MTCH2: variants seen among roughly 807,000 people sequenced by gnomAD.
The protein encoded by MTCH2 is mitochondrial carrier 2.
In MTCH2, 25 loss-of-function variants were observed where a neutral mutation model predicts 50.6. That is an observed-to-expected ratio of 0.49 (90% CI 0.36 to 0.69). The LOEUF is 0.69. MTCH2 is among the 30% of genes least tolerant of loss of function. The probability of loss-of-function intolerance (pLI) is 0.00; values close to 1 mark genes in which losing one functional copy is unlikely to be tolerated. For synonymous variants in MTCH2, 106 were observed against 132.0 expected, an observed-to-expected ratio of 0.80 and a Z score of 1.35; for missense variants, 273 against 384.4, an observed-to-expected ratio of 0.71 and a Z score of 2.42.
At chr11:47,631,468 G>A (rs985837236) in intron 6 of MTCH2, among the ~76,000 whole-genome samples, 186 bp downstream of exon 6, 2 of 151,732 alleles carry the variant, frequency 1.3e-5, no homozygotes, top group African/African-American at 4.8e-5. Context: ...TGATAGCCCT[G>A]GGAAAAAAAA....
Position 47,625,761 on chromosome 11 carries a change from C to T in MTCH2, c.682-20G>A. On this transcript the variant is annotated intron_variant, in intron 10 of 12. Transcript: ENST00000302503. ...AAAAAACTGTAAAATGGAAACAAGGCAGCTGTTATTAGATCATTCCTAGTC... is the reference window on the plus strand; with the variant it reads ...AAAAAACTGTAAAATGGAAACAAGGTAGCTGTTATTAGATCATTCCTAGTC... 6.3e-7 allele frequency: 1 copy of T among 1,576,994 alleles called. No individual in the cohort carries two copies. The highest frequency in any genetic ancestry group is 1.1e-5 in the South Asian group (1 of 88,290).
At chr11:47,621,488 A>T in intron 12 of MTCH2, among the ~76,000 whole-genome samples, 1 of 149,974 alleles carries the variant, frequency 6.7e-6, no homozygotes. Flanking sequence ...GCTGGAGTGC[A>T]GTGGCACAAT....
At chr11:47,605,874 C>T in the MTCH2 span, among the ~76,000 whole-genome samples, 8 of 152,168 alleles carry the variant, frequency 5.3e-5, no homozygotes, top group Non-Finnish European at 7.3e-5. Flanking sequence ...TTATCATTTT[C>T]GCCGCATCTT....
chr11:47,607,338 T>TA, the MTCH2 span, among the ~76,000 whole-genome samples: 1 of 152,192 alleles, frequency 6.6e-6, no homozygotes, highest in Non-Finnish European at 1.5e-5. Flanking sequence ...CCCTTTCTAT[T>TA]AAAACTGTTT....
At chr11:47,616,403 G>T (rs1308159791), downstream of MTCH2, among the ~76,000 whole-genome samples, 1 of 151,612 alleles carries the variant, frequency 6.6e-6, no homozygotes, top group Non-Finnish European at 1.5e-5. Context: ...CTGTCACCCA[G>T]TGGCACAATC....
chr11:47,619,406 G>A (rs1039450180), intron 12 of MTCH2, among the ~76,000 whole-genome samples: 1 of 151,946 alleles, frequency 6.6e-6, no homozygotes, highest in Non-Finnish European at 1.5e-5. Flanking sequence ...GCTAATTTTT[G>A]TACTTTTAGT....
Position 47,625,684 on chromosome 11 carries a change from T to C in MTCH2, c.739A>G (p.Asn247Asp), listed in dbSNP as rs2153799056. ...ATACAAAGTGCTTACCCACAGTTGT[T>C]GACAGCCATAAGATTGGAGACAAGC... ...FVLVSNLMAV[N>D]NCGLAGGCPP... is the part of the protein sequence containing the mutation. Residue 247 changes from asparagine (N) to aspartate (D), a missense_variant, in exon 11 of 13, where the codon AAC becomes GAC. Coordinates refer to ENST00000302503, the MANE Select transcript of MTCH2 (RefSeq NM_014342.4). 1 of 1,612,518 alleles carries C rather than the reference T, an allele frequency of 6.2e-7. No individual in the cohort carries two copies. The highest frequency in any genetic ancestry group is 1.1e-5 in the South Asian group (1 of 91,034).
At chr11:47,625,255 T>C (rs1019031296) in intron 11 of MTCH2, among the ~76,000 whole-genome samples, 3 of 151,494 alleles carry the variant, frequency 2.0e-5, no homozygotes, top group Non-Finnish European at 4.4e-5. Flanking sequence ...ACCCTGTCTC[T>C]ACCAAAAATA....
chr11:47,632,023 C>T (rs2097303552), intron 5 of MTCH2, among the ~76,000 whole-genome samples: 1 of 152,022 alleles, frequency 6.6e-6, no homozygotes, highest in African/African-American at 2.4e-5. Flanking sequence ...GAAAGGTCAC[C>T]AACAAAGTCA....
intron 9 of MTCH2, among the ~76,000 whole-genome samples, chr11:47,628,570 T>C (rs1294981078): frequency 6.9e-6 from 1 of 145,944 alleles, no homozygotes; most frequent in Non-Finnish European, 1.5e-5. Context: ...TCATCTTGTT[T>C]ATTTATTTAT....
chr11:47,626,619 C>T (rs189197908), intron 10 of MTCH2, among the ~76,000 whole-genome samples: 1 of 151,842 alleles, frequency 6.6e-6, no homozygotes, highest in East Asian at 1.9e-4. Context: ...GAGTTATTCT[C>T]TCTTTTTTTT....
rs1426219278 is a variant in MTCH2 at position 47,629,031 on chromosome 11, GC to G, written c.554del (p.Arg185ProfsTer3). 6.2e-7 allele frequency: 1 copy of G among 1,613,682 alleles called. No homozygotes were observed. The highest frequency in any genetic ancestry group is 1.1e-5 in the South Asian group (1 of 91,040). On this transcript the variant is annotated frameshift_variant, in exon 9 of 13. Coordinates refer to ENST00000302503, the MANE Select transcript of MTCH2 (RefSeq NM_014342.4). LOFTEE classifies it high-confidence loss of function. ...ACAAAGAAAGGATGTCACCTAGAAG[GC>G]GAGGAACAAGACCCCTACATGAAGA... Reference protein sequence around the residue: ...ILGFFAGLVPRLLGDILSLWL... With the variant: ...ILGFFAGLVPXLLGDILSLWL...
At chr11:47,631,109 T>C (rs1449446280) in intron 6 of MTCH2, 22 bp from the exon 7 acceptor site, 2 of 1,606,074 alleles carry the variant, frequency 1.2e-6, no homozygotes, top group East Asian at 2.2e-5. Context: ...AGAGAAAAGA[T>C]GTTTACAACT....
chr11:47,611,340 CCT>C, the MTCH2 span, among the ~76,000 whole-genome samples: 1 of 152,182 alleles, frequency 6.6e-6, no homozygotes, highest in East Asian at 1.9e-4. Context: ...CCATCTTCAC[CCT>C]CTGTCTTTTT....
chr11:47,612,981 G>A (rs1252306163), downstream of MTCH2, among the ~76,000 whole-genome samples: 1 of 152,096 alleles, frequency 6.6e-6, no homozygotes, highest in South Asian at 2.1e-4. Flanking sequence ...ATAGCTCACC[G>A]CAGCCTCAAA....
chr11:47,642,482 G>T lies in MTCH2; in HGVS notation c.-17C>A. On this transcript the variant is annotated 5_prime_UTR_variant, in exon 1 of 13. Coordinates refer to ENST00000302503, the MANE Select transcript of MTCH2 (RefSeq NM_014342.4). ...GTCCGCCATGATGGCACCCGCGGGC[G>T]GACGGACAGACAGACGGAGCCACCA... is the stretch of plus-strand genomic sequence containing the variant. The T allele has an allele frequency of 2.1e-6, 3 of 1,461,144 alleles. No homozygotes were observed. Among genetic ancestry groups the T allele is most frequent in the African/African-American group, 1.9e-5 (1 of 52,896 alleles). The allele number at this position is 1,461,144 out of a possible 1,614,324, so 90.5% of individuals were successfully genotyped here.
chr11:47,614,863 C>T (rs556015468), downstream of MTCH2, among the ~76,000 whole-genome samples: 1 of 152,176 alleles, frequency 6.6e-6, no homozygotes, highest in East Asian at 1.9e-4. Flanking sequence ...CAGGCGTGAG[C>T]CACCGCACCC....
intron 5 of MTCH2, among the ~76,000 whole-genome samples, chr11:47,632,423 G>A (rs1050294274): frequency 5.3e-5 from 8 of 149,968 alleles, no homozygotes; most frequent in Admixed American, 3.3e-4. Context: ...GCGCGAACTC[G>A]GTTCACTGCA....
downstream of MTCH2, among the ~76,000 whole-genome samples, chr11:47,616,732 G>A (rs2097288647): frequency 6.7e-6 from 1 of 150,162 alleles, no homozygotes; most frequent in Non-Finnish European, 1.5e-5. Context: ...GCCCAGGCTG[G>A]AGTGCAATGG....
Sources: gnomAD v4.1 joint callset for allele counts (sites outside exome capture counted in the v4.1 genomes callset) on GRCh38, gnomAD v4.1.1 for gene constraint, MANE v1.5 for transcripts, NCBI Gene and HGNC (gene_info 2026-07-23, HGNC 2026-07-21) for gene names.